NR4A1: variants seen among roughly 807,000 people sequenced by gnomAD.
The protein encoded by NR4A1 is nuclear receptor subfamily 4immunitygroup A member 1.
Under a neutral mutation model 47.5 loss-of-function variants are expected in NR4A1, and 24 were observed. The observed-to-expected ratio is 0.50, with a 90% CI of 0.37 to 0.71. The LOEUF is 0.71. Among genes scored for constraint, NR4A1 ranks in the 30% least tolerant of loss-of-function variants. The probability of loss-of-function intolerance (pLI) is 0.00; values close to 1 mark genes in which losing one functional copy is unlikely to be tolerated. For missense variants in NR4A1, 669 were observed against 788.6 expected (o/e 0.85, Z 1.82); for synonymous variants, 353 against 345.7 (o/e 1.02, Z -0.24).
At chr12:52,041,820 T>C in exon 2 of NR4A1, 4 of 1,447,326 alleles carry the variant, frequency 2.8e-6, no homozygotes, top group Non-Finnish European at 3.6e-6. Context: ...GCCTCCACCA[T>C]GGACAGAGGC....
At chr12:52,046,721 C>T (rs969637249), upstream of NR4A1, among the ~76,000 whole-genome samples, 5 of 152,190 alleles carry the variant, frequency 3.3e-5, no homozygotes, top group African/African-American at 1.2e-4. Context: ...CGGTGACTCA[C>T]GCCTGTAATC....
intron 1 of NR4A1, among the ~76,000 whole-genome samples, chr12:52,024,219 C>T (rs1937953663): frequency 1.3e-5 from 2 of 152,358 alleles, no homozygotes; most frequent in Non-Finnish European, 2.9e-5. Context: ...GACCATCCTT[C>T]TCCCTGCCCC....
At chr12:52,027,319 C>T (rs1938019143) in intron 1 of NR4A1, among the ~76,000 whole-genome samples, 1 of 152,256 alleles carries the variant, frequency 6.6e-6, no homozygotes, top group Admixed American at 6.5e-5. Context: ...TGAGGGCCTG[C>T]CAGCAGCTCG....
intron 6 of NR4A1, 97 bp from the exon 7 acceptor site, chr12:52,058,591 G>A (rs1939392113): frequency 1.4e-6 from 2 of 1,415,578 alleles, no homozygotes; most frequent in Admixed American, 2.8e-5. Flanking sequence ...AGAGCATGAG[G>A]GGTGGTCAGG....
upstream of NR4A1, among the ~76,000 whole-genome samples, chr12:52,046,819 T>TAA (rs1444265248): frequency 5.9e-5 from 9 of 151,762 alleles, no homozygotes; most frequent in Non-Finnish European, 7.4e-5. Flanking sequence ...CCATCTCTAC[T>TAA]AAAAATACAA....
chr12:52,045,237 C>A (rs1019155694), intron 2 of NR4A1, among the ~76,000 whole-genome samples: 1 of 152,226 alleles, frequency 6.6e-6, no homozygotes, highest in Non-Finnish European at 1.5e-5. Flanking sequence ...CCGGCTCCCC[C>A]GTCCAGCTGA....
rs1241373765 is a variant in NR4A1, at chr12:52,054,510, C to T, written c.182C>T (p.Thr61Ile). ...PSFSTFMDGY[T>I]GEFDTFLYQL... ...TTCAGCACCTTCATGGACGGCTACA[C>T]AGGAGAGTTTGACACCTTCCTCTAC... The change falls in exon 2 of 7, where the codon ACA (threonine) becomes ATA (isoleucine). Residue 61 changes from threonine to isoleucine, a missense_variant. Thr to Ile is a moderately conservative substitution (Grantham distance 89, BLOSUM62 -1). Transcript: ENST00000394825. 3 of 1,613,900 alleles carry T rather than the reference C, an allele frequency of 1.9e-6. No homozygotes were observed. The highest frequency in any genetic ancestry group is 1.7e-5 in the Admixed American group (1 of 60,016).
upstream of NR4A1, among the ~76,000 whole-genome samples, chr12:52,046,415 G>A (rs1395301093): frequency 6.6e-6 from 1 of 152,144 alleles, no homozygotes; most frequent in East Asian, 1.9e-4. Context: ...AAATCCCTGG[G>A]CCCCATAAGA....
chr12:52,039,540 G>C (rs56161633), intron 1 of NR4A1, among the ~76,000 whole-genome samples: 1 of 152,210 alleles, frequency 6.6e-6, no homozygotes, highest in African/African-American at 2.4e-5. Flanking sequence ...CAAATGGAAG[G>C]GACAGCTCCT....
chr12:52,057,861 A>C (rs143470992), intron 6 of NR4A1, among the ~76,000 whole-genome samples: 1 of 152,316 alleles, frequency 6.6e-6, no homozygotes, highest in African/African-American at 2.4e-5. Context: ...ACAAATGGTA[A>C]ATTTTCATAA....
rs139780665 is a variant in NR4A1 at position 52,058,735 on chromosome 12, C to T, written c.1588C>T (p.Arg530Cys). Reference protein sequence around the residue: ...EPRRVEELQNRIASCLKEHVA... With the variant: ...EPRRVEELQNCIASCLKEHVA... ...GCGGCGGGTGGAGGAGCTGCAGAAC[C>T]GCATCGCCAGCTGCCTGAAGGAGCA... Residue 530 changes from arginine to cysteine, a missense_variant, in exon 7 of 7, where the codon CGC (arginine) becomes TGC (cysteine). By Grantham distance (180) the Arg-to-Cys change is radical (BLOSUM62 -3). Transcript: ENST00000394825. The T allele has an allele frequency of 1.2e-4, 191 of 1,611,142 alleles. 3 individuals carry two copies. Among genetic ancestry groups the T allele is most frequent in the African/African-American group, 8.7e-4 (65 of 74,982 alleles).
chr12:52,051,309 C>G (rs1938921990), upstream of NR4A1: 4 of 727,488 alleles, frequency 5.5e-6, no homozygotes, highest in Non-Finnish European at 6.7e-6. Flanking sequence ...CCCCTGGCCG[C>G]CTCCCGCCGG....
chr12:52,037,676 G>A (rs931771904), intron 1 of NR4A1: 3 of 985,532 alleles, frequency 3.0e-6, no homozygotes, highest in African/African-American at 3.5e-5. Flanking sequence ...TGGCCCACGA[G>A]GGGCGCTGGA....
chr12:52,033,717 C>T (rs376216036), intron 1 of NR4A1, among the ~76,000 whole-genome samples: 1 of 152,320 alleles, frequency 6.6e-6, no homozygotes, highest in East Asian at 1.9e-4. Flanking sequence ...CCAGGAAGAC[C>T]CGTCTTTGTG....
chr12:52,033,135 C>T (rs1412659420), intron 1 of NR4A1, among the ~76,000 whole-genome samples: 3 of 152,218 alleles, frequency 2.0e-5, no homozygotes, highest in Non-Finnish European at 4.4e-5. Flanking sequence ...CTGCGGCTCC[C>T]TCCGGACTGG....
At chr12:52,031,411 C>A (rs1028707693) in intron 1 of NR4A1, among the ~76,000 whole-genome samples, 21 of 151,800 alleles carry the variant, frequency 1.4e-4, no homozygotes, top group African/African-American at 5.1e-4. Flanking sequence ...CCGAGGCGGG[C>A]AGATCACATG....
At chr12:52,033,299 C>G (rs1308849509) in intron 1 of NR4A1, among the ~76,000 whole-genome samples, 9 of 152,208 alleles carry the variant, frequency 5.9e-5, no homozygotes, top group Non-Finnish European at 4.4e-5. Flanking sequence ...TCTGGCGACG[C>G]GGAGAAAAAT....
chr12:52,051,950 C>T (rs1220277784), intron 1 of NR4A1, among the ~76,000 whole-genome samples: 5 of 152,172 alleles, frequency 3.3e-5, no homozygotes, highest in Admixed American at 6.5e-5. Flanking sequence ...AGCTTTGGCG[C>T]TGCTGGGATC....
chr12:52,053,730 C>T (rs953805790), intron 1 of NR4A1: 1 of 153,406 alleles, frequency 6.5e-6, no homozygotes, highest in Admixed American at 6.5e-5. Context: ...CAGGCTAGGG[C>T]CTCTGCATTA....
Sources: gnomAD v4.1 joint callset for allele counts (sites outside exome capture counted in the v4.1 genomes callset) on GRCh38, gnomAD v4.1.1 for gene constraint, MANE v1.5 for transcripts, NCBI Gene and HGNC (gene_info 2026-07-23, HGNC 2026-07-21) for gene names.